Variants in ACACB observed in about 807,000 individuals in gnomAD.
The protein encoded by ACACB is acetyl-CoA carboxylase beta, also known as acetyl-CoA carboxylase 2.
A neutral mutation model predicts 278.8 loss-of-function variants in ACACB; 209 were observed. The observed-to-expected ratio is 0.75, with a 90% CI of 0.67 to 0.84. The LOEUF (loss-of-function observed/expected upper bound fraction) is 0.84. ACACB is among the 40% of genes least tolerant of loss of function. ACACB has a pLI of 0.00. For synonymous variants in ACACB, 1,174 were observed against 1,285.6 expected, an observed-to-expected ratio of 0.91 and a Z score of 1.86; for missense variants, 2,850 against 3,269.0, an observed-to-expected ratio of 0.87 and a Z score of 3.13.
Position 109,144,429 on chromosome 12 carries a change from T to C in ACACB, c.653+4371T>C, listed in dbSNP as rs529657928. Among the ~76,000 whole-genome samples, 215 of 152,326 alleles carry C rather than the reference T, an allele frequency of 1.4e-3. 2 individuals are homozygous for C. The highest frequency in any genetic ancestry group is 1.2e-3 in the Non-Finnish European group (79 of 68,026). On this transcript the variant is annotated intron_variant, in intron 2 of 52. Coordinates refer to ENST00000338432, the MANE Select transcript of ACACB (RefSeq NM_001093.4). ...TAGCCTGGTGTTTGCTGGTTACCCA[T>C]TGACTCTTTTGCACACATACAGGCA...
At chr12:109,115,603 A>C (rs966607654), upstream of ACACB, among the ~76,000 whole-genome samples, 5 of 151,998 alleles carry the variant, frequency 3.3e-5, no homozygotes, top group African/African-American at 1.2e-4. Flanking sequence ...CGGTTCCTGT[A>C]ACATGTACCT....
chr12:109,248,708 C>T (rs2047015648), intron 40 of ACACB, among the ~76,000 whole-genome samples: 1 of 152,204 alleles, frequency 6.6e-6, no homozygotes, highest in African/African-American at 2.4e-5. Context: ...GAGGATGGGT[C>T]TTCCTCTCCC....
At chr12:109,133,318 C>G (rs901765071) in intron 1 of ACACB, among the ~76,000 whole-genome samples, 45 of 151,754 alleles carry the variant, frequency 3.0e-4, no homozygotes, top group Admixed American at 2.2e-3. Flanking sequence ...GCAACCTCCC[C>G]CTCCTGAGCT....
chr12:109,202,087 C>T (rs986479298), intron 19 of ACACB, among the ~76,000 whole-genome samples: 20 of 152,304 alleles, frequency 1.3e-4, no homozygotes, highest in Admixed American at 3.9e-4. Context: ...CTACCCCAGA[C>T]TTTGCAGGGA....
chr12:109,232,001 TC>T (rs1361884176), intron 28 of ACACB, among the ~76,000 whole-genome samples: 1 of 152,150 alleles, frequency 6.6e-6, no homozygotes, highest in Non-Finnish European at 1.5e-5. Context: ...AAGTCCAAGT[TC>T]CCAGAGGCCA....
intron 1 of ACACB, among the ~76,000 whole-genome samples, chr12:109,118,730 C>T (rs2042467401): frequency 6.6e-6 from 1 of 152,034 alleles, no homozygotes; most frequent in East Asian, 1.9e-4. Flanking sequence ...ACCTTGTTCT[C>T]ATGCTTCCTC....
chr12:109,246,662 G>T (rs1235488459), intron 39 of ACACB, among the ~76,000 whole-genome samples: 1 of 152,060 alleles, frequency 6.6e-6, no homozygotes, highest in Non-Finnish European at 1.5e-5. Context: ...GATCTAAAAA[G>T]GCTCCTTAAC....
In ACACB at chr12:109,260,580, C is replaced by T. The variant is rs1272999762; in HGVS notation, c.6597C>T (p.Leu2199=). ...TCTATATCCCGCCCTATGCGGAGCT[C>T]CGGGGAGGCTCCTGGGTGGTCATAG... ...ILIYIPPYAE[L]RGGSWVVIDA... The change falls in exon 48 of 53, where the codon CTC becomes CTT. Residue 2199 remains leucine (L), a synonymous_variant. Coordinates refer to ENST00000338432, the MANE Select transcript of ACACB (RefSeq NM_001093.4). 6.2e-7 allele frequency: 1 copy of T among 1,613,518 alleles called. No homozygotes were observed. The highest frequency in any genetic ancestry group is 1.7e-5 in the Admixed American group (1 of 59,838).
At chr12:109,247,217 A>C (rs1182641313) in intron 39 of ACACB, among the ~76,000 whole-genome samples, 1 of 152,108 alleles carries the variant, frequency 6.6e-6, no homozygotes, top group Non-Finnish European at 1.5e-5. Context: ...CAGAGCATGC[A>C]TTCTCGGGGG....
At chr12:109,222,425 G>C in intron 24 of ACACB, 82 bp from the exon 25 acceptor site, 1 of 1,307,934 alleles carries the variant, frequency 7.6e-7, no homozygotes, top group Non-Finnish European at 1.1e-6. Flanking sequence ...TTTTGCGGCA[G>C]GTGCTCCCCA....
intron 36 of ACACB, chr12:109,241,877 C>T (rs1010455669): frequency 4.5e-5 from 7 of 156,518 alleles, no homozygotes; most frequent in African/African-American, 1.7e-4. Flanking sequence ...GGCCTGAACT[C>T]CTGGGTTCAA....
At chr12:109,120,395 G>A (rs541087855) in intron 1 of ACACB, among the ~76,000 whole-genome samples, 30 of 152,302 alleles carry the variant, frequency 2.0e-4, no homozygotes, top group African/African-American at 7.0e-4. Context: ...TTCAGGATTG[G>A]TATTCATAGC....
At chr12:109,258,809 T>C (rs1470206923) in intron 46 of ACACB, among the ~76,000 whole-genome samples, 164 bp from the exon 47 acceptor site, 1 of 152,198 alleles carries the variant, frequency 6.6e-6, no homozygotes, top group Non-Finnish European at 1.5e-5. Flanking sequence ...AGCCTGGTCC[T>C]GAGCGGAGGA....
At chr12:109,128,824 G>T (rs1485092187) in intron 1 of ACACB, among the ~76,000 whole-genome samples, 1 of 150,438 alleles carries the variant, frequency 6.6e-6, no homozygotes, top group Non-Finnish European at 1.5e-5. Flanking sequence ...TGTTTTCTGA[G>T]ACAGGGTCTC....
chr12:109,203,338 T>C (rs1241329961), intron 19 of ACACB, among the ~76,000 whole-genome samples: 2 of 152,220 alleles, frequency 1.3e-5, no homozygotes, highest in African/African-American at 2.4e-5. Flanking sequence ...ACGATTTTCT[T>C]AGTTTTTACC....
At chr12:109,215,996 A>T (rs2136464161) in intron 22 of ACACB, among the ~76,000 whole-genome samples, 1 of 151,858 alleles carries the variant, frequency 6.6e-6, no homozygotes, top group Non-Finnish European at 1.5e-5. Context: ...ACAAGGTCTC[A>T]CCTTGTTGCC....
In ACACB at chr12:109,233,794, AC is replaced by A. The variant is rs1565953344; in HGVS notation, c.4192del (p.Leu1398SerfsTer26). 6.2e-7 allele frequency: 1 copy of A among 1,613,026 alleles called. No homozygotes were observed. Among genetic ancestry groups the A allele is most frequent in the Non-Finnish European group, 8.5e-7 (1 of 1,179,798 alleles). On this transcript the variant is annotated frameshift_variant, in exon 30 of 53. Coordinates refer to ENST00000338432, the MANE Select transcript of ACACB (RefSeq NM_001093.4). LOFTEE classifies it high-confidence loss of function. ...TTGCTTCGCCAACGTGCCCAAAGACACCCCCCTCTTCAGCGAGGCCCGCACC... is the reference window on the plus strand; with the variant it reads ...TTGCTTCGCCAACGTGCCCAAAGACACCCCCTCTTCAGCGAGGCCCGCACC... ...ISCFANVPKDTPLFSEARTSL... is the reference protein window; with the variant it reads ...ISCFANVPKDXPLFSEARTSL...
Position 109,246,193 on chromosome 12 carries a change from C to T in ACACB, c.5316C>T (p.Ala1772=), listed in dbSNP as rs1316630483. ...CCCCTTGCCAGGTGGGCATGGTGGC[C>T]TTCAAAATGAGGTTTAAGACCCAGG... is the stretch of plus-strand genomic sequence containing the variant. ...LPGGNEVGMV[A]FKMRFKTQEY... Residue 1772 remains alanine, a synonymous_variant, in exon 39 of 53, where the codon GCC becomes GCT. Transcript: ENST00000338432. 8 of 1,611,782 alleles carry T rather than the reference C, an allele frequency of 5.0e-6. No homozygotes were observed. The highest frequency in any genetic ancestry group is 6.8e-6 in the Non-Finnish European group (8 of 1,178,376).
chr12:109,201,805 GCCTC>G, intron 19 of ACACB, 104 bp downstream of exon 19: 1 of 1,428,740 alleles, frequency 7.0e-7, no homozygotes, highest in Non-Finnish European at 9.4e-7. Context: ...CGCTTCTCCT[GCCTC>G]CACCTGCAGA....
Sources: gnomAD v4.1 joint callset for allele counts (sites outside exome capture counted in the v4.1 genomes callset) on GRCh38, gnomAD v4.1.1 for gene constraint, MANE v1.5 for transcripts, NCBI Gene and HGNC (gene_info 2026-07-23, HGNC 2026-07-21) for gene names.